The following AHCTF1 variants were observed in gnomAD, a reference collection of about 807,000 sequenced individuals.
AHCTF1 encodes the protein AT-hook containing transcription factor 1.
A neutral mutation model predicts 248.4 loss-of-function variants in AHCTF1; 24 were observed. The observed-to-expected ratio is 0.10, with a 90% CI of 0.07 to 0.14. The LOEUF is 0.14. AHCTF1 is among the 10% of genes least tolerant of loss of function. The pLI is 1.00. For missense variants in AHCTF1, 2,206 were observed against 2,636.2 expected (o/e 0.84, Z 3.57); for synonymous variants, 786 against 929.8 (o/e 0.85, Z 2.81).
chr1:246,890,168 C>A, intron 16 of AHCTF1, 109 bp from the exon 17 acceptor site: 2 of 732,190 alleles, frequency 2.7e-6, no homozygotes, highest in South Asian at 2.0e-5. Context: ...CCTGGTTAAC[C>A]CACAGGGTGG....
intron 20 of AHCTF1, among the ~76,000 whole-genome samples, chr1:246,886,331 AAAAT>A (rs1663817047): frequency 6.6e-6 from 1 of 152,202 alleles, no homozygotes; most frequent in South Asian, 2.1e-4. Context: ...ACTCCATCTC[AAAAT>A]AAATAAATAA....
chr1:246,899,949 T>C lies in AHCTF1; in HGVS notation c.1432+116A>G, dbSNP rs114876655. On this transcript the variant is annotated intron_variant, in intron 10 of 35. Coordinates refer to ENST00000648844, the MANE Select transcript of AHCTF1 (RefSeq NM_001323342.2). ...ATTAATTTCCTAAGTTATCCATATG[T>C]TAACTAACAGTGAGATACAAACAGA... 2.1e-3 allele frequency: 2,101 copies of C among 1,016,812 alleles called. 38 individuals are homozygous for C. In the African/African-American group the frequency reaches 0.031, roughly 15 times the overall value. 63.0% of individuals were successfully genotyped at this position (1,016,812 alleles called of 1,614,324 possible).
chr1:246,869,673 T>C (rs925281309), intron 24 of AHCTF1, among the ~76,000 whole-genome samples: 2 of 152,012 alleles, frequency 1.3e-5, no homozygotes, highest in African/African-American at 2.4e-5. Flanking sequence ...GACAGCATGG[T>C]TTACCGAATA....
At position 246,905,497 on chromosome 1, in the gene AHCTF1, C is replaced by CA. The variant is rs746153217; in HGVS notation, c.881+43dup. On this transcript the variant is annotated intron_variant, in intron 6 of 35. Coordinates refer to ENST00000648844, the MANE Select transcript of AHCTF1 (RefSeq NM_001323342.2). ...GGACAACAGAGCGAGACTCTGTCTC[C>CA]AAAAAAACAAAACAAAACAAAACAA... is the stretch of plus-strand genomic sequence containing the variant. 77 of 1,529,080 alleles carry CA rather than the reference C, an allele frequency of 5.0e-5. No homozygotes were observed. The African/African-American group carries it at 6.7e-4, about 13-fold the overall frequency. 94.7% of individuals were successfully genotyped at this position (1,529,080 alleles called of 1,614,324 possible).
intron 30 of AHCTF1, 84 bp downstream of exon 30, chr1:246,857,607 A>C: frequency 7.1e-7 from 1 of 1,408,270 alleles, no homozygotes. Flanking sequence ...GTGAAATCTA[A>C]CATGCACAGA....
At chr1:246,860,863 A>T in intron 29 of AHCTF1, 36 bp downstream of exon 29, 1 of 1,581,834 alleles carries the variant, frequency 6.3e-7, no homozygotes, top group East Asian at 2.3e-5. Context: ...GAGGGACATT[A>T]ATAACAATTT....
rs983882241 is a variant in AHCTF1 at position 246,931,029 on chromosome 1, T to C, written c.-8+549A>G. ...AAAAGGAAGGCAAAGCACCCCAAGA[T>C]GTGCTTTTATTTTAAATCTCCTTGA... On this transcript the variant is annotated intron_variant, in intron 1 of 35. Transcript: ENST00000648844. The C allele has an allele frequency of 6.3e-6, 9 of 1,433,080 alleles. No individual in the cohort carries two copies. The African/African-American group carries it at 1.0e-4, about 16-fold the overall frequency. The allele number at this position is 1,433,080 out of a possible 1,614,324, so 88.8% of individuals were successfully genotyped here. A position where few individuals can be genotyped will look rare whatever the true frequency, so the allele number is the denominator to read the frequency against.
Position 246,864,007 on chromosome 1 carries a change from A to T in AHCTF1, c.3457T>A (p.Ser1153Thr). The T allele has an allele frequency of 1.2e-6, 2 of 1,614,184 alleles. No individual in the cohort carries two copies. Among genetic ancestry groups the T allele is most frequent in the South Asian group, 2.2e-5 (2 of 91,086 alleles). Reference protein sequence around the residue: ...PLYLVSRSLPSSSQLKGSPQA... With the variant: ...PLYLVSRSLPTSSQLKGSPQA... ...GGCGATCCTTTTAATTGCGAACTTG[A>T]GGGCAGTGAACGGGATACTAGGTAC... The change falls in exon 27 of 36, where the codon TCA becomes ACA. Residue 1153 changes from serine (S) to threonine (T), a missense_variant. Transcript: ENST00000648844.
rs1266243782 is a variant in AHCTF1, at chr1:246,902,692, A to T, written c.967-17T>A. ...TTCTAACCCCTGTAACATAAAATAC[A>T]CGCAAATATTAATCTGATTCTAGGC... On this transcript the variant is annotated splice_polypyrimidine_tract_variant and intron_variant, in intron 7 of 35. Coordinates refer to ENST00000648844, the MANE Select transcript of AHCTF1 (RefSeq NM_001323342.2). The T allele has an allele frequency of 1.9e-6, 3 of 1,563,278 alleles. No homozygotes were observed. Among genetic ancestry groups the T allele is most frequent in the Non-Finnish European group, 2.6e-6 (3 of 1,153,722 alleles).
In AHCTF1 at chr1:246,926,901, G is replaced by A. The variant is rs143201658; in HGVS notation, c.-8+4677C>T. ...ACAAACAAAAGTGTATGGCCGGGCC[G>A]CGGTGGCACACGCCTGTAATCCCAG... is the stretch of plus-strand genomic sequence containing the variant. On this transcript the variant is annotated intron_variant, in intron 1 of 35. Transcript: ENST00000648844. Among the ~76,000 whole-genome samples the A allele has an allele frequency of 4.9e-3, 751 of 152,132 alleles. 7 individuals are homozygous for A. The highest frequency in any genetic ancestry group is 0.017 in the African/African-American group (693 of 41,512).
intron 12 of AHCTF1, 42 bp downstream of exon 12, chr1:246,898,166 T>C (rs1249821651): frequency 6.2e-7 from 1 of 1,608,214 alleles, no homozygotes; most frequent in Non-Finnish European, 8.5e-7. Context: ...GCTAATAACG[T>C]GATCCAACCA....
intron 21 of AHCTF1, among the ~76,000 whole-genome samples, chr1:246,882,817 A>G (rs1244107915): frequency 6.6e-6 from 1 of 152,220 alleles, no homozygotes; most frequent in African/African-American, 2.4e-5. Flanking sequence ...TTGTGATGGT[A>G]TGTCCATATA....
In AHCTF1 at chr1:246,924,382, G is replaced by C. The variant is rs186494073; in HGVS notation, c.-7-6005C>G. On this transcript the variant is annotated intron_variant, in intron 1 of 35. Transcript: ENST00000648844. ...TATCTGAAATATTCACAAAACATTA[G>C]TGCCGTTTATTTTTGTGTGATGCAA... is the stretch of plus-strand genomic sequence containing the variant. 1.8e-4 allele frequency among the ~76,000 whole-genome samples: 28 copies of C among 152,000 alleles called. No individual in the cohort carries two copies. In the East Asian group the frequency reaches 5.2e-3, roughly 28 times the overall value.
At chr1:246,918,407 T>G (rs1167952482) in intron 1 of AHCTF1, 30 bp from the exon 2 acceptor site, 1 of 1,591,040 alleles carries the variant, frequency 6.3e-7, no homozygotes, top group Non-Finnish European at 8.6e-7. Context: ...AAAACATTAT[T>G]ATGACACATT....
At chr1:246,877,427 T>C (rs1663054848) in intron 21 of AHCTF1, 125 bp from the exon 22 acceptor site, 1 of 1,106,450 alleles carries the variant, frequency 9.0e-7, no homozygotes, top group Admixed American at 3.5e-5. Flanking sequence ...TGAAAAGTAC[T>C]TTAAAAATTT....
At chr1:246,873,759 C>T (rs1662759625) in intron 24 of AHCTF1, among the ~76,000 whole-genome samples, 1 of 152,154 alleles carries the variant, frequency 6.6e-6, no homozygotes, top group African/African-American at 2.4e-5. Flanking sequence ...TTGTGGTGAC[C>T]CCAAACTTCA....
chr1:246,919,676 C>A (rs1259843638), intron 1 of AHCTF1, among the ~76,000 whole-genome samples: 1 of 148,844 alleles, frequency 6.7e-6, no homozygotes, highest in Non-Finnish European at 1.5e-5. Flanking sequence ...TGCACTCTAG[C>A]CTCGGTGACA....
chr1:246,927,020 GAAAC>G (rs1441091117), intron 1 of AHCTF1, among the ~76,000 whole-genome samples: 1 of 150,578 alleles, frequency 6.6e-6, no homozygotes, highest in Non-Finnish European at 1.5e-5. Context: ...TAAAAATACA[GAAAC>G]AAAATTAGCA....
chr1:246,853,151 A>T lies in AHCTF1; in HGVS notation c.4503T>A (p.Val1501=). The T allele has an allele frequency of 6.2e-7, 1 of 1,612,852 alleles. No individual in the cohort carries two copies. Among genetic ancestry groups the T allele is most frequent in the East Asian group, 2.2e-5 (1 of 44,874 alleles). Residue 1501 remains valine, a synonymous_variant, in exon 32 of 36, where the codon GTT becomes GTA. Transcript: ENST00000648844. The part of the protein sequence containing the change: ...EVEVGVLKES[V]DLPEEKLPIS... Reference sequence around the variant, plus strand: ...TTGGAAGCTTTTCTTCTGGTAAGTCAACACTTTCTTTTAGTACACCAACTT... The same window carrying T: ...TTGGAAGCTTTTCTTCTGGTAAGTCTACACTTTCTTTTAGTACACCAACTT...
Sources: gnomAD v4.1 joint callset for allele counts (sites outside exome capture counted in the v4.1 genomes callset) on GRCh38, gnomAD v4.1.1 for gene constraint, MANE v1.5 for transcripts, NCBI Gene and HGNC (gene_info 2026-07-23, HGNC 2026-07-21) for gene names.